Variants in AZIN2 observed in about 807,000 individuals in gnomAD.
The protein encoded by AZIN2 is antizyme inhibitor 2, also known as ODC antizyme inhibitor-2.
A neutral mutation model predicts 47.8 loss-of-function variants in AZIN2; 28 were observed. That is an observed-to-expected ratio of 0.59 (90% CI 0.43 to 0.80). The LOEUF (loss-of-function observed/expected upper bound fraction) is 0.80, where lower values mean the gene tolerates loss of function less well. Among genes scored for constraint, AZIN2 ranks in the 30% least tolerant of loss-of-function variants. The pLI is 0.00. For missense variants in AZIN2, 535 were observed against 582.5 expected (o/e 0.92, Z 0.84); for synonymous variants, 221 against 239.4 (o/e 0.92, Z 0.71).
chr1:33,163,157 G>C, the AZIN2 span: 1 of 152,098 alleles, frequency 6.6e-6, no homozygotes, highest in South Asian at 2.1e-4. Context: ...TCCTGCCTCA[G>C]CCTCTTGAGT....
At chr1:33,110,770 G>A (rs919667592) in intron 10 of AZIN2, among the ~76,000 whole-genome samples, 2 of 152,290 alleles carry the variant, frequency 1.3e-5, no homozygotes, top group Admixed American at 1.3e-4. Flanking sequence ...ATAGTTTCAG[G>A]AAGAGACTGT....
At chr1:33,086,607 C>T (rs1641929826) in intron 5 of AZIN2, among the ~76,000 whole-genome samples, 2 of 152,246 alleles carry the variant, frequency 1.3e-5, no homozygotes, top group Non-Finnish European at 2.9e-5. Flanking sequence ...GACCAAGGGC[C>T]TGGCGTAAGC....
intron 10 of AZIN2, among the ~76,000 whole-genome samples, chr1:33,110,646 G>A (rs1241398502): frequency 6.6e-6 from 1 of 152,074 alleles, no homozygotes; most frequent in East Asian, 1.9e-4. Flanking sequence ...GAGAATGAGA[G>A]AATGGGAAGA....
chr1:33,116,831 A>C (rs1017694480), intron 10 of AZIN2, among the ~76,000 whole-genome samples: 1 of 152,136 alleles, frequency 6.6e-6, no homozygotes, highest in African/African-American at 2.4e-5. Flanking sequence ...AGCATGGGGG[A>C]AAGTAGGAGG....
rs774029026 is a variant in AZIN2, at chr1:33,093,381, T to C, written c.552T>C (p.Asn184=). The C allele has an allele frequency of 1.9e-6, 3 of 1,613,842 alleles. No individual in the cohort carries two copies. Among genetic ancestry groups the C allele is most frequent in the Non-Finnish European group, 2.5e-6 (3 of 1,179,962 alleles). The change falls in exon 7 of 12, where the codon AAT becomes AAC. Residue 184 remains asparagine, a synonymous_variant. Coordinates refer to ENST00000294517, the MANE Select transcript of AZIN2 (RefSeq NM_052998.4). ...SLKSCRHLLE[N]AKKHHVEVVG... ...AATCCTGCAGACACCTGCTTGAAAA[T>C]GCGAAGAAGCACCATGTGGAGGTGG...
chr1:33,085,429 G>A (rs1641779132), intron 5 of AZIN2, among the ~76,000 whole-genome samples: 1 of 152,052 alleles, frequency 6.6e-6, no homozygotes, highest in African/African-American at 2.4e-5. Flanking sequence ...TAGATAACCA[G>A]GGAAAGGGCA....
chr1:33,147,492 G>A, the AZIN2 span: 28 of 1,613,200 alleles, frequency 1.7e-5, no homozygotes, highest in African/African-American at 6.7e-5. This position sits in a 1 kb window ranked among gnomAD's most constrained non-coding sequence, Gnocchi z 8.1. Context: ...TGCGGCTTGC[G>A]GCTTCGTGTG....
intron 10 of AZIN2, among the ~76,000 whole-genome samples, chr1:33,103,385 C>CAA (rs1234514981): frequency 6.6e-6 from 1 of 152,144 alleles, no homozygotes; most frequent in African/African-American, 2.4e-5. Flanking sequence ...TAAGTTGTTT[C>CAA]TGCTCTCAGG....
chr1:33,082,299 T>A lies in AZIN2; in HGVS notation c.50T>A (p.Phe17Tyr), dbSNP rs1641360547. Residue 17 changes from phenylalanine to tyrosine, a missense_variant, in exon 4 of 12, where the codon TTC (phenylalanine) becomes TAC (tyrosine). By Grantham distance (22) the Phe-to-Tyr change is conservative. Around this residue, in one of 3 missense-constraint regions of AZIN2, gnomAD observed 409 missense variants for 429.0 expected, o/e 0.95. Coordinates refer to ENST00000294517, the MANE Select transcript of AZIN2 (RefSeq NM_052998.4). Reference sequence around the variant, plus strand: ...GACTTTGTGATGGTGGAGGAGGGCTTCAGTACCCGAGACCTGCTGAAGGAA... The same window carrying A: ...GACTTTGTGATGGTGGAGGAGGGCTACAGTACCCGAGACCTGCTGAAGGAA... Reference protein sequence around the residue: ...ESDFVMVEEGFSTRDLLKELT... With the variant: ...ESDFVMVEEGYSTRDLLKELT... 6.2e-7 allele frequency: 1 copy of A among 1,614,104 alleles called. No homozygotes were observed. The highest frequency in any genetic ancestry group is 8.5e-7 in the Non-Finnish European group (1 of 1,179,998).
chr1:33,111,146 G>C (rs778694742), intron 10 of AZIN2, among the ~76,000 whole-genome samples: 1 of 152,236 alleles, frequency 6.6e-6, no homozygotes, highest in Non-Finnish European at 1.5e-5. Context: ...AGGCCACTAA[G>C]GCGAATGCTA....
intron 10 of AZIN2, among the ~76,000 whole-genome samples, chr1:33,112,587 G>A (rs570559458): frequency 6.6e-6 from 1 of 152,306 alleles, no homozygotes; most frequent in East Asian, 1.9e-4. Flanking sequence ...AAAGAGGTTA[G>A]GAAAGAGGAG....
Position 33,122,415 on chromosome 1 carries a change from T to C in AZIN2, c.*2233T>C, listed in dbSNP as rs1227400474. On this transcript the variant is annotated 3_prime_UTR_variant, in exon 12 of 12. Coordinates refer to ENST00000294517, the MANE Select transcript of AZIN2 (RefSeq NM_052998.4). ...GTGAAATTTACTTTTCCAAGAAAGA[T>C]ACACGCAGAACTTGATGTGGCTTAC... 6.6e-6 allele frequency among the ~76,000 whole-genome samples: 1 copy of C among 152,134 alleles called. No individual in the cohort carries two copies. The highest frequency in any genetic ancestry group is 1.9e-4 in the East Asian group (1 of 5,194).
At chr1:33,088,692 G>A (rs1426584032) in intron 5 of AZIN2, among the ~76,000 whole-genome samples, 2 of 152,200 alleles carry the variant, frequency 1.3e-5, no homozygotes, top group African/African-American at 4.8e-5. Flanking sequence ...GAAGTGCTCA[G>A]CACTGCTTGC....
the AZIN2 span, chr1:33,147,479 C>CCTTGCGG: frequency 6.2e-7 from 1 of 1,613,824 alleles, no homozygotes; most frequent in African/African-American, 1.3e-5. This position sits in a 1 kb window ranked among gnomAD's most constrained non-coding sequence, Gnocchi z 8.1. Flanking sequence ...TGGATGCTGC[C>CCTTGCGG]CTTGCGGCTT....
chr1:33,088,733 A>G (rs1433246269), intron 5 of AZIN2, among the ~76,000 whole-genome samples: 2 of 152,122 alleles, frequency 1.3e-5, no homozygotes, highest in Non-Finnish European at 2.9e-5. Flanking sequence ...CACTTCCTCT[A>G]CTGGAAAGAT....
At chr1:33,159,859 A>G in the AZIN2 span, 1 of 1,613,196 alleles carries the variant, frequency 6.2e-7, no homozygotes, top group Non-Finnish European at 8.5e-7. This position sits in a 1 kb window ranked among gnomAD's most constrained non-coding sequence, Gnocchi z 4.2. Context: ...CAGCTCCTCT[A>G]GCATGGCCTT....
rs1380153443 is a variant in AZIN2, at chr1:33,121,145, G to A, written c.*963G>A. ...CCAAATTATGCCCCGGGGTGTGTGA[G>A]CTGTTGAGCAAAGGAGTTCAGATTT... On this transcript the variant is annotated 3_prime_UTR_variant, in exon 12 of 12. Transcript: ENST00000294517. Among the ~76,000 whole-genome samples, 1 of 152,212 alleles carries A rather than the reference G, an allele frequency of 6.6e-6. No individual in the cohort carries two copies. The highest frequency in any genetic ancestry group is 2.4e-5 in the African/African-American group (1 of 41,456).
rs1644767278 is a variant in AZIN2, at chr1:33,120,385, GT to G, written c.*205del. 17 of 726,854 alleles carry G rather than the reference GT, an allele frequency of 2.3e-5. 1 individual carries two copies. In the South Asian group the frequency reaches 3.0e-4, roughly 13 times the overall value. The allele number at this position is 726,854 out of a possible 1,614,324, so 45.0% of individuals were successfully genotyped here. A position where few individuals can be genotyped will look rare whatever the true frequency, so the allele number is the denominator to read the frequency against. On this transcript the variant is annotated 3_prime_UTR_variant, in exon 12 of 12. Transcript: ENST00000294517. Reference sequence around the variant, plus strand: ...AGTTCAAGTATGCAACATAAATCCTGTTCCTTCCAGCTGTGTCTGCCTCCTC... The same window carrying G: ...AGTTCAAGTATGCAACATAAATCCTGTCCTTCCAGCTGTGTCTGCCTCCTC...
chr1:33,126,969 A>G (rs1326441745), downstream of AZIN2, among the ~76,000 whole-genome samples: 2 of 152,184 alleles, frequency 1.3e-5, no homozygotes, highest in Non-Finnish European at 2.9e-5. Flanking sequence ...AAGTCCCTGT[A>G]CGCTGCATGT....
Sources: gnomAD v4.1 joint callset for allele counts (sites outside exome capture counted in the v4.1 genomes callset) on GRCh38, gnomAD v4.1.1 for gene constraint, gnomAD v4.1.1 regional missense constraint, Gnocchi (gnomAD v3.1) non-coding constraint, MANE v1.5 for transcripts, NCBI Gene and HGNC (gene_info 2026-07-23, HGNC 2026-07-21) for gene names.